Variants in PRKG1 observed in about 807,000 individuals in gnomAD.
PRKG1 encodes the protein protein kinase cGMP-dependent 1, also known as cGMP-dependent protein kinase 1.
PRKG1 carries 35 observed loss-of-function variants against 88.1 expected under a neutral mutation model. The observed-to-expected ratio is 0.40, with a 90% CI of 0.30 to 0.53. The LOEUF (loss-of-function observed/expected upper bound fraction) is 0.53, where lower values mean the gene tolerates loss of function less well. Among genes scored for constraint, PRKG1 ranks in the 20% least tolerant of loss-of-function variants. The probability of loss-of-function intolerance (pLI) is 0.59; values close to 1 mark genes in which losing one functional copy is unlikely to be tolerated. For missense variants in PRKG1, 540 were observed against 839.8 expected (o/e 0.64, Z 4.41); for synonymous variants, 303 against 292.5 (o/e 1.04, Z -0.37).
At chr10:51,704,246 C>CAGAT (rs1464008954) in intron 3 of PRKG1, among the ~76,000 whole-genome samples, 2 of 150,538 alleles carry the variant, frequency 1.3e-5, no homozygotes, top group Admixed American at 6.6e-5. Flanking sequence ...GACAGACAGA[C>CAGAT]AGACAGATAG....
chr10:51,688,565 CT>C (rs35034840), intron 3 of PRKG1, among the ~76,000 whole-genome samples: 18,664 of 123,496 alleles, frequency 0.15, 1,838 homozygotes, highest in African/African-American at 0.32. Context: ...AGTAACAATC[CT>C]TTTTTTTTTT....
chr10:51,617,271 T>C (rs950759811), intron 3 of PRKG1, among the ~76,000 whole-genome samples: 2 of 152,176 alleles, frequency 1.3e-5, no homozygotes, highest in Non-Finnish European at 2.9e-5. Flanking sequence ...TATGCCTTCT[T>C]CTTCCTTCTA....
At position 51,573,506 on chromosome 10, in the gene PRKG1, G is replaced by GACCC. The variant is rs1163469949; in HGVS notation, c.592+105670_592+105671insACCC. 4.0e-5 allele frequency among the ~76,000 whole-genome samples: 6 copies of GACCC among 151,848 alleles called. No homozygotes were observed. The East Asian group carries it at 1.2e-3, about 29-fold the overall frequency. On this transcript the variant is annotated intron_variant, in intron 3 of 17. Coordinates refer to ENST00000373980, the MANE Select transcript of PRKG1 (RefSeq NM_006258.4). ...CCTTTTGCAAACAAATCAGGTACAT[G>GACCC]TTTTTCATCAGTGAATTCAAGAAGA...
chr10:51,561,739 T>C (rs1227946397), intron 3 of PRKG1, among the ~76,000 whole-genome samples: 1 of 152,110 alleles, frequency 6.6e-6, no homozygotes, highest in Admixed American at 6.6e-5. Context: ...AAGTATGTAA[T>C]ACCACCTCAT....
At chr10:51,476,654 C>T (rs79896118) in intron 3 of PRKG1, among the ~76,000 whole-genome samples, 1,719 of 152,012 alleles carry the variant, frequency 0.011, 38 homozygotes, top group African/African-American at 0.039. Flanking sequence ...TCATAGAGTA[C>T]TTCTGTTTAT....
intron 4 of PRKG1, among the ~76,000 whole-genome samples, chr10:51,877,349 T>C (rs1841324421): frequency 6.6e-6 from 1 of 152,154 alleles, no homozygotes; most frequent in Admixed American, 6.5e-5. Flanking sequence ...CCCGATAAGC[T>C]TTATTTTCAG....
chr10:51,271,130 G>C (rs1350115756), intron 2 of PRKG1, among the ~76,000 whole-genome samples: 2 of 152,300 alleles, frequency 1.3e-5, no homozygotes, highest in African/African-American at 4.8e-5. Context: ...ATACAGCTGT[G>C]AAGAAAGGAA....
At chr10:52,174,534 T>C (rs924442424) in intron 9 of PRKG1, among the ~76,000 whole-genome samples, 2 of 151,990 alleles carry the variant, frequency 1.3e-5, no homozygotes, top group African/African-American at 2.4e-5. Context: ...TAATTACTTA[T>C]CAAGATGTGA....
At chr10:51,258,816 G>A (rs902308410) in intron 2 of PRKG1, among the ~76,000 whole-genome samples, 4 of 152,300 alleles carry the variant, frequency 2.6e-5, no homozygotes. Flanking sequence ...AGCTATCAGT[G>A]CATTACTCCA....
intron 3 of PRKG1, among the ~76,000 whole-genome samples, chr10:51,486,373 G>A (rs916149761): frequency 6.6e-6 from 1 of 152,162 alleles, no homozygotes; most frequent in African/African-American, 2.4e-5. Context: ...GTTATGGATA[G>A]GTTTATGGCA....
chr10:51,881,032 G>A (rs976570978), intron 4 of PRKG1, among the ~76,000 whole-genome samples: 2 of 151,112 alleles, frequency 1.3e-5, no homozygotes, highest in African/African-American at 2.4e-5. Context: ...GAAAAGGGGG[G>A]CAGATAGTAT....
At chr10:52,082,212 T>C (rs912532974) in intron 7 of PRKG1, among the ~76,000 whole-genome samples, 6 of 152,086 alleles carry the variant, frequency 3.9e-5, no homozygotes, top group African/African-American at 1.4e-4. Flanking sequence ...ACCACCCCCA[T>C]GATTAAATTA....
At chr10:51,011,867 G>A (rs540068297) in intron 1 of PRKG1, among the ~76,000 whole-genome samples, 1 of 152,262 alleles carries the variant, frequency 6.6e-6, no homozygotes, top group East Asian at 1.9e-4. Flanking sequence ...TAACTTATAA[G>A]AAAAAGAGGT....
intron 2 of PRKG1, among the ~76,000 whole-genome samples, chr10:51,322,594 C>G (rs891404182): frequency 1.2e-4 from 19 of 152,310 alleles, no homozygotes; most frequent in Admixed American, 7.8e-4. Flanking sequence ...TACGTTCTAG[C>G]ATTTTCTGAG....
intron 9 of PRKG1, among the ~76,000 whole-genome samples, chr10:52,242,944 A>G (rs898577816): frequency 2.6e-5 from 4 of 152,128 alleles, no homozygotes; most frequent in Non-Finnish European, 5.9e-5. Flanking sequence ...AAGAAGAAGA[A>G]AAAAGAAAAG....
chr10:51,173,655 A>C (rs1378733362), intron 2 of PRKG1, among the ~76,000 whole-genome samples: 1 of 151,916 alleles, frequency 6.6e-6, no homozygotes, highest in East Asian at 1.9e-4. Context: ...CTGTAACTAA[A>C]ATGAAACTTA....
intron 2 of PRKG1, among the ~76,000 whole-genome samples, chr10:51,448,279 C>CA (rs573480453): frequency 6.6e-6 from 1 of 151,784 alleles, no homozygotes; most frequent in African/African-American, 2.4e-5. Flanking sequence ...AGAAAATAAA[C>CA]AAAAAAACTT....
At chr10:51,334,999 C>CTTTTTTTTT (rs918622780) in intron 2 of PRKG1, among the ~76,000 whole-genome samples, 6 of 78,746 alleles carry the variant, frequency 7.6e-5, no homozygotes, top group African/African-American at 1.0e-4. Flanking sequence ...TGTCAGGTTT[C>CTTTTTTTTT]TTTTTTTTTT....
At chr10:52,064,247 G>A (rs73342904) in intron 7 of PRKG1, among the ~76,000 whole-genome samples, 1 of 152,044 alleles carries the variant, frequency 6.6e-6, no homozygotes, top group African/African-American at 2.4e-5. Flanking sequence ...AAGCCCAGAG[G>A]GGGGTGAGTT....
Sources: gnomAD v4.1 joint callset for allele counts (sites outside exome capture counted in the v4.1 genomes callset) on GRCh38, gnomAD v4.1.1 for gene constraint, MANE v1.5 for transcripts, NCBI Gene and HGNC (gene_info 2026-07-23, HGNC 2026-07-21) for gene names.